The following STK3 variants were observed in gnomAD, a reference collection of about 807,000 sequenced individuals.
STK3 encodes serine/threonine kinase 3.
Under a neutral mutation model 58.0 loss-of-function variants are expected in STK3, and 41 were observed. The ratio of observed to expected loss-of-function variants is 0.71; its 90% CI spans 0.55 to 0.92. The LOEUF (loss-of-function observed/expected upper bound fraction) is 0.92, where lower values mean the gene tolerates loss of function less well. STK3 is among the 40% of genes least tolerant of loss of function. The pLI, the probability that STK3 is intolerant of heterozygous loss-of-function variation, is 0.00. For missense variants in STK3, 479 were observed against 602.7 expected (o/e 0.79, Z 2.15); for synonymous variants, 170 against 191.0 (o/e 0.89, Z 0.91).
chr8:98,745,019 A>G lies in STK3; in HGVS notation c.351+4257T>C, dbSNP rs189301014. 8.6e-3 allele frequency among the ~76,000 whole-genome samples: 1,307 copies of G among 152,308 alleles called. 10 individuals carry two copies. Among genetic ancestry groups the G allele is most frequent in the African/African-American group, 0.03 (1,231 of 41,564 alleles). ...TGCAAGATAAGAGTGACACCATTTC[A>G]AAGCAAAACCACCATAATGACAGGA... On this transcript the variant is annotated intron_variant, in intron 4 of 10. Coordinates refer to ENST00000419617, the MANE Select transcript of STK3 (RefSeq NM_006281.4).
upstream of STK3, among the ~76,000 whole-genome samples, chr8:98,390,134 T>G (rs1192687099): frequency 6.6e-6 from 1 of 152,244 alleles, no homozygotes; most frequent in Admixed American, 6.5e-5. Flanking sequence ...CCATTCTCAG[T>G]GTTCCAAGTT....
intron 6 of STK3, among the ~76,000 whole-genome samples, chr8:98,619,439 G>A (rs1338073114): frequency 6.7e-6 from 1 of 148,600 alleles, no homozygotes; most frequent in Non-Finnish European, 1.5e-5. Flanking sequence ...CAAAAGCAAT[G>A]GCAACAAAAG....
In STK3 at chr8:98,454,809, CT is replaced by C. The variant is rs201081205; in HGVS notation, c.*1032del. On this transcript the variant is annotated 3_prime_UTR_variant, in exon 11 of 11. Coordinates refer to ENST00000419617, the MANE Select transcript of STK3 (RefSeq NM_006281.4). Reference sequence around the variant, plus strand: ...TGAGTTTCTTTTTAATGGTTTTAATCTTTTTTTTTTCAGTCCCCAAGGCTTG... The same window carrying C: ...TGAGTTTCTTTTTAATGGTTTTAATCTTTTTTTTTCAGTCCCCAAGGCTTG... 19 of 149,400 alleles carry C rather than the reference CT, an allele frequency of 1.3e-4. No homozygotes were observed. The South Asian group carries it at 1.5e-3, about 12-fold the overall frequency. 9.3% of individuals were successfully genotyped at this position (149,400 alleles called of 1,614,324 possible).
chr8:98,373,898 T>G (rs773461904), intron 2 of STK3, among the ~76,000 whole-genome samples: 1 of 152,218 alleles, frequency 6.6e-6, no homozygotes, highest in Non-Finnish European at 1.5e-5. Context: ...TTTTGAATAT[T>G]GGACTCCAAA....
chr8:98,910,930 G>A (rs752099228), intron 1 of STK3, among the ~76,000 whole-genome samples: 22 of 152,224 alleles, frequency 1.4e-4, no homozygotes, highest in Non-Finnish European at 2.9e-4. Context: ...AGCCAGCTTA[G>A]TGGTCAGCCA....
intron 6 of STK3, among the ~76,000 whole-genome samples, chr8:98,649,774 T>G (rs1167402604): frequency 1.3e-5 from 2 of 152,190 alleles, no homozygotes; most frequent in East Asian, 3.8e-4. Flanking sequence ...GCAATTAACT[T>G]TTAAACAATT....
At chr8:98,752,931 CTAT>C (rs1314045595) in intron 3 of STK3, among the ~76,000 whole-genome samples, 1 of 143,832 alleles carries the variant, frequency 7.0e-6, no homozygotes, top group Non-Finnish European at 1.5e-5. Flanking sequence ...GTCAGAATGA[CTAT>C]TATTAAAAAG....
chr8:98,564,049 C>G (rs2131645146), intron 8 of STK3, among the ~76,000 whole-genome samples: 1 of 152,220 alleles, frequency 6.6e-6, no homozygotes, highest in East Asian at 1.9e-4. Context: ...CATGCTACCT[C>G]AGTCATGTGA....
At chr8:98,795,513 T>C (rs1055383085) in intron 1 of STK3, among the ~76,000 whole-genome samples, 4 of 151,936 alleles carry the variant, frequency 2.6e-5, no homozygotes, top group Non-Finnish European at 4.4e-5. Flanking sequence ...AGCACCCCTA[T>C]TGAACACAGT....
intron 9 of STK3, among the ~76,000 whole-genome samples, chr8:98,528,246 C>T (rs1352947777): frequency 6.6e-6 from 1 of 152,106 alleles, no homozygotes; most frequent in Non-Finnish European, 1.5e-5. Context: ...TTTCTAAATA[C>T]AAACCAAAAG....
chr8:98,670,982 C>T lies in STK3; in HGVS notation c.684+35485G>A, dbSNP rs188491145. ...TCCACACTGGAGTGCAAGCCAGATG[C>T]GGCCTGGCAGGCTGAGTAAATGGGG... On this transcript the variant is annotated intron_variant, in intron 6 of 10. Coordinates refer to ENST00000419617, the MANE Select transcript of STK3 (RefSeq NM_006281.4). 4.3e-3 allele frequency among the ~76,000 whole-genome samples: 651 copies of T among 152,232 alleles called. 4 individuals carry two copies. Among genetic ancestry groups the T allele is most frequent in the African/African-American group, 0.015 (614 of 41,538 alleles).
chr8:98,615,143 G>T (rs1355266968), intron 6 of STK3, among the ~76,000 whole-genome samples: 1 of 151,778 alleles, frequency 6.6e-6, no homozygotes, highest in Non-Finnish European at 1.5e-5. Context: ...CCTCAAGTGG[G>T]TCCCTGACCC....
At chr8:98,582,866 G>A (rs1389010554) in intron 7 of STK3, among the ~76,000 whole-genome samples, 2 of 152,042 alleles carry the variant, frequency 1.3e-5, no homozygotes, top group African/African-American at 2.4e-5. Context: ...GTTACTCAGT[G>A]ACTGAAAACG....
upstream of STK3, among the ~76,000 whole-genome samples, chr8:98,828,233 C>T (rs1835385083): frequency 6.6e-6 from 1 of 151,940 alleles, no homozygotes; most frequent in Non-Finnish European, 1.5e-5. Flanking sequence ...ACCTCAGCCA[C>T]CCAAAGTGCT....
intron 6 of STK3, among the ~76,000 whole-genome samples, chr8:98,621,431 A>G (rs1818308299): frequency 6.6e-6 from 1 of 152,108 alleles, no homozygotes. Flanking sequence ...AAGAACTCCC[A>G]GTACTGTGCT....
At chr8:98,483,898 AGAACACAGGAGTGTGTTT>A (rs1284287564) in intron 10 of STK3, among the ~76,000 whole-genome samples, 1 of 152,202 alleles carries the variant, frequency 6.6e-6, no homozygotes, top group Non-Finnish European at 1.5e-5. Flanking sequence ...ATTATACAAC[AGAACACAGGAGTGTGTTT>A]GAACACAGAC....
At chr8:98,642,512 T>C (rs1314928914) in intron 6 of STK3, among the ~76,000 whole-genome samples, 1 of 152,136 alleles carries the variant, frequency 6.6e-6, no homozygotes, top group Non-Finnish European at 1.5e-5. Flanking sequence ...TTTTCACATG[T>C]GAAGACTGAG....
chr8:98,773,943 C>T (rs914737476), intron 2 of STK3, among the ~76,000 whole-genome samples: 2 of 151,978 alleles, frequency 1.3e-5, no homozygotes, highest in Admixed American at 1.3e-4. Flanking sequence ...ATTACAGGCA[C>T]CCGCTACCAC....
intron 1 of STK3, among the ~76,000 whole-genome samples, chr8:98,930,296 C>T (rs1839960639): frequency 1.3e-5 from 2 of 152,170 alleles, no homozygotes; most frequent in South Asian, 4.1e-4. Flanking sequence ...GAGGGAGAAG[C>T]CAGAAACTGC....
Sources: allele counts gnomAD v4.1 joint callset (sites outside exome capture counted in the v4.1 genomes callset), GRCh38; gene constraint gnomAD v4.1.1; transcripts MANE v1.5; gene names NCBI Gene and HGNC (gene_info 2026-07-23, HGNC 2026-07-21).